Variants in ZBTB16 observed in about 807,000 individuals in gnomAD.
ZBTB16 encodes the protein zinc finger and BTB domain containing 16, also known as zinc finger and BTB domain-containing protein 16.
Under a neutral mutation model 56.8 loss-of-function variants are expected in ZBTB16, and 8 were observed. The observed-to-expected ratio is 0.14, with a 90% confidence interval of 0.08 to 0.25. ZBTB16 has a LOEUF of 0.25. ZBTB16 is among the 10% of genes least tolerant of loss of function. The probability of loss-of-function intolerance (pLI) is 1.00; values close to 1 mark genes in which losing one functional copy is unlikely to be tolerated. For synonymous variants in ZBTB16, 363 were observed against 368.5 expected (o/e 0.98, Z 0.17); for missense variants, 625 against 903.0 (o/e 0.69, Z 3.95).
At chr11:114,172,146 C>T (rs375709877) in intron 3 of ZBTB16, among the ~76,000 whole-genome samples, 5 of 152,344 alleles carry the variant, frequency 3.3e-5, no homozygotes, top group South Asian at 2.1e-4. Context: ...CTACCCACTC[C>T]GAGTCCATAG....
At chr11:114,148,898 G>A (rs1171267788) in intron 2 of ZBTB16, among the ~76,000 whole-genome samples, 1 of 144,814 alleles carries the variant, frequency 6.9e-6, no homozygotes, top group Admixed American at 7.1e-5. Flanking sequence ...GTGTGTGTGT[G>A]TGTATCCGCA....
intron 4 of ZBTB16, among the ~76,000 whole-genome samples, 195 bp from the exon 5 acceptor site, chr11:114,241,972 C>T (rs573874814): frequency 3.3e-5 from 5 of 152,206 alleles, no homozygotes; most frequent in African/African-American, 7.2e-5. Context: ...AGCTCGGGAA[C>T]GACGTCGATT....
chr11:114,082,317 C>T (rs1667025585), intron 2 of ZBTB16, among the ~76,000 whole-genome samples: 2 of 152,030 alleles, frequency 1.3e-5, no homozygotes, highest in South Asian at 4.2e-4. Flanking sequence ...GCAACACACA[C>T]CATGAACTGT....
chr11:114,215,695 G>A (rs495248), intron 4 of ZBTB16, among the ~76,000 whole-genome samples: 44,745 of 152,152 alleles, frequency 0.29, 6,995 homozygotes, highest in South Asian at 0.38. Context: ...GTCCATCTCT[G>A]GAGCTGCTTC....
At chr11:114,235,894 G>A (rs1333690001) in intron 4 of ZBTB16, among the ~76,000 whole-genome samples, 1 of 151,180 alleles carries the variant, frequency 6.6e-6, no homozygotes, top group Non-Finnish European at 1.5e-5. Flanking sequence ...GGGGGGTCTG[G>A]TGTGGGTCAC....
chr11:114,242,425 G>A lies in ZBTB16; in HGVS notation c.1624+88G>A. The A allele has an allele frequency of 3.2e-6, 5 of 1,544,034 alleles. 1 individual carries two copies. Among genetic ancestry groups the A allele is most frequent in the South Asian group, 2.3e-5 (2 of 85,258 alleles). The stretch of plus-strand genomic sequence containing the variant: ...CAAGGACGTAAAGTGGAGGTGGTGG[G>A]CTGAGTCAGCCTTCAGTCCTTCTGC... On this transcript the variant is annotated intron_variant, in intron 5 of 6. Transcript: ENST00000335953.
At chr11:114,096,185 A>G (rs1443073367) in intron 2 of ZBTB16, among the ~76,000 whole-genome samples, 1 of 152,148 alleles carries the variant, frequency 6.6e-6, no homozygotes, top group African/African-American at 2.4e-5. Flanking sequence ...GAGGCACCTA[A>G]AATTGCCTTT....
intron 2 of ZBTB16, among the ~76,000 whole-genome samples, chr11:114,087,294 C>T (rs986985437): frequency 3.9e-5 from 6 of 152,202 alleles, no homozygotes; most frequent in African/African-American, 1.4e-4. Flanking sequence ...ACAAGCAACC[C>T]TCTGTGGGTG....
At chr11:114,099,171 C>T (rs1940520865) in intron 2 of ZBTB16, among the ~76,000 whole-genome samples, 1 of 152,092 alleles carries the variant, frequency 6.6e-6, no homozygotes, top group African/African-American at 2.4e-5. Context: ...AGCTTGTATC[C>T]TCCTAAAACA....
At chr11:114,244,321 C>G (rs1349146046) in intron 5 of ZBTB16, among the ~76,000 whole-genome samples, 2 of 148,840 alleles carry the variant, frequency 1.3e-5, no homozygotes, top group Non-Finnish European at 3.0e-5. Context: ...ACGACAGACA[C>G]TGGGCTTGGC....
rs561171140 is a variant in ZBTB16, at chr11:114,205,834, C to G, written c.1453+18796C>G. Among the ~76,000 whole-genome samples the G allele has an allele frequency of 5.9e-3, 894 of 152,334 alleles. 5 individuals are homozygous for G. The highest frequency in any genetic ancestry group is 8.0e-3 in the Non-Finnish European group (543 of 68,034). On this transcript the variant is annotated intron_variant, in intron 4 of 6. Coordinates refer to ENST00000335953, the MANE Select transcript of ZBTB16 (RefSeq NM_006006.6). ...GGGGAGACTCTGCATCTGAAAGCTG[C>G]CCCTTGGGCCCTAGAGTCACTCTGA...
chr11:114,244,755 A>C (rs1346416492), intron 5 of ZBTB16, among the ~76,000 whole-genome samples: 1 of 152,122 alleles, frequency 6.6e-6, no homozygotes, highest in African/African-American at 2.4e-5. Context: ...AAATTCCTAA[A>C]AATCGGATCA....
At chr11:114,168,557 CA>C (rs1942859455) in intron 3 of ZBTB16, among the ~76,000 whole-genome samples, 1 of 152,204 alleles carries the variant, frequency 6.6e-6, no homozygotes, top group African/African-American at 2.4e-5. Context: ...CAGATGAGGA[CA>C]GTAAAGAGTT....
At chr11:114,166,700 CAG>C (rs1942767364) in intron 3 of ZBTB16, among the ~76,000 whole-genome samples, 1 of 152,126 alleles carries the variant, frequency 6.6e-6, no homozygotes, top group South Asian at 2.1e-4. Context: ...TATTAATTCT[CAG>C]ATGGTGGTGG....
At chr11:114,222,834 G>A (rs1031141838) in intron 4 of ZBTB16, among the ~76,000 whole-genome samples, 10 of 152,132 alleles carry the variant, frequency 6.6e-5, no homozygotes, top group African/African-American at 2.4e-4. Context: ...ATATATCACC[G>A]TCTGAGGAGG....
At chr11:114,141,431 G>A (rs1448600390) in intron 2 of ZBTB16, among the ~76,000 whole-genome samples, 1 of 152,192 alleles carries the variant, frequency 6.6e-6, no homozygotes, top group African/African-American at 2.4e-5. Context: ...CTCCATCTCT[G>A]TCTTGTTGTC....
intron 2 of ZBTB16, among the ~76,000 whole-genome samples, chr11:114,138,950 C>G (rs1032650190): frequency 6.6e-6 from 1 of 152,138 alleles, no homozygotes; most frequent in African/African-American, 2.4e-5. Flanking sequence ...TTCTGCCTCC[C>G]AAAGCGCTGG....
intron 2 of ZBTB16, 48 bp from the exon 3 acceptor site, chr11:114,156,289 C>T (rs774522698): frequency 6.2e-7 from 1 of 1,601,684 alleles, no homozygotes; most frequent in South Asian, 1.1e-5. Context: ...GGCCCTGCCT[C>T]TTGTCCAGCC....
rs1465229322 is a variant in ZBTB16, at chr11:114,254,709, C to T, written c.*4154C>T. ...CCATCCTGTGGTCATCTTTCCCCCT[C>T]CCATCATACCTCCTCCTTCCTGGAG... On this transcript the variant is annotated 3_prime_UTR_variant, in exon 7 of 7. Transcript: ENST00000335953. Among the ~76,000 whole-genome samples, 2 of 152,222 alleles carry T rather than the reference C, an allele frequency of 1.3e-5. No homozygotes were observed. The highest frequency in any genetic ancestry group is 2.9e-5 in the Non-Finnish European group (2 of 68,044).
Sources: allele counts gnomAD v4.1 joint callset (sites outside exome capture counted in the v4.1 genomes callset), GRCh38; gene constraint gnomAD v4.1.1; transcripts MANE v1.5; gene names NCBI Gene and HGNC (gene_info 2026-07-23, HGNC 2026-07-21).